Variants in ATR observed in about 807,000 individuals in gnomAD.
The protein encoded by ATR is ATR checkpoint kinase.
A neutral mutation model predicts 305.3 loss-of-function variants in ATR; 142 were observed. The observed-to-expected ratio is 0.47, with a 90% confidence interval of 0.41 to 0.53. The LOEUF (loss-of-function observed/expected upper bound fraction) is 0.53, where lower values mean the gene tolerates loss of function less well. Among genes scored for constraint, ATR ranks in the 20% least tolerant of loss-of-function variants. The pLI, the probability that ATR is intolerant of heterozygous loss-of-function variation, is 0.00. For missense variants in ATR, 2,135 were observed against 3,133.1 expected, an observed-to-expected ratio of 0.68 and a Z score of 7.60; for synonymous variants, 1,050 against 1,068.1, an observed-to-expected ratio of 0.98 and a Z score of 0.33.
At chr3:142,557,747 C>G (rs1292886074) in intron 8 of ATR, among the ~76,000 whole-genome samples, 1 of 152,198 alleles carries the variant, frequency 6.6e-6, no homozygotes, top group East Asian at 1.9e-4. Flanking sequence ...ATTCTTGTAT[C>G]TCAGCCTCCC....
At chr3:142,487,071 G>A (rs1438324444) in intron 35 of ATR, among the ~76,000 whole-genome samples, 1 of 151,830 alleles carries the variant, frequency 6.6e-6, no homozygotes, top group African/African-American at 2.4e-5. Flanking sequence ...GGCGGAGCTT[G>A]CAATGAGCCA....
chr3:142,549,778 A>G, intron 14 of ATR, 105 bp from the exon 15 acceptor site: 2 of 1,004,842 alleles, frequency 2.0e-6, no homozygotes, highest in Non-Finnish European at 3.0e-6. Context: ...ACATATTTGG[A>G]GTCCACTCCA....
Position 142,466,459 on chromosome 3 carries a change from T to C in ATR, c.6762A>G (p.Thr2254=). 1 of 1,613,972 alleles carries C rather than the reference T, an allele frequency of 6.2e-7. No individual in the cohort carries two copies. The highest frequency in any genetic ancestry group is 8.5e-7 in the Non-Finnish European group (1 of 1,179,898). The change falls in exon 40 of 47, where the codon ACA becomes ACG. Residue 2254 remains threonine, a synonymous_variant. Transcript: ENST00000350721. ...GTAGAGGAATGAGGATTTCACTAAATGTTGCTTCTTCTACCAGCTTTTTAA... is the reference window on the plus strand; with the variant it reads ...GTAGAGGAATGAGGATTTCACTAAACGTTGCTTCTTCTACCAGCTTTTTAA... ...KMLKKLVEEA[T]FSEILIPLQS...
At position 142,535,074 on chromosome 3, in the gene ATR, G is replaced by C. The variant is rs1577652413; in HGVS notation, c.3945+6C>G. 1 of 1,608,918 alleles carries C rather than the reference G, an allele frequency of 6.2e-7. No homozygotes were observed. Among genetic ancestry groups the C allele is most frequent in the Non-Finnish European group, 8.5e-7 (1 of 1,176,282 alleles). On this transcript the variant is annotated splice_donor_region_variant and intron_variant, in intron 21 of 46. Transcript: ENST00000350721. ...ATACATTTTTAATTATATCATATTAGCATACCTGATTTTTATACAAGGTTT... is the reference window on the plus strand; with the variant it reads ...ATACATTTTTAATTATATCATATTACCATACCTGATTTTTATACAAGGTTT...
Position 142,451,474 on chromosome 3 carries a change from C to T in ATR, c.7761+1654G>A, listed in dbSNP as rs1002784134. On this transcript the variant is annotated intron_variant, in intron 46 of 46. Transcript: ENST00000350721. The stretch of plus-strand genomic sequence containing the variant: ...ATAGGAGACTTTGGTCTGGCTTGCC[C>T]AGACATCTTACAAAAGAACACAGAC... 9.4e-6 allele frequency: 14 copies of T among 1,486,064 alleles called. No homozygotes were observed. In the African/African-American group the frequency reaches 9.9e-5, roughly 10 times the overall value. 92.1% of individuals were successfully genotyped at this position (1,486,064 alleles called of 1,614,324 possible).
At chr3:142,469,760 C>T (rs1460090514) in intron 37 of ATR, among the ~76,000 whole-genome samples, 191 bp from the exon 38 acceptor site, 8 of 151,978 alleles carry the variant, frequency 5.3e-5, no homozygotes, top group Non-Finnish European at 1.5e-5. Flanking sequence ...TATTTAGAGC[C>T]ATTCAAAAAC....
chr3:142,469,926 CT>C (rs2071221610), intron 37 of ATR, among the ~76,000 whole-genome samples, 159 bp downstream of exon 37: 1 of 152,096 alleles, frequency 6.6e-6, no homozygotes, highest in South Asian at 2.1e-4. Flanking sequence ...TATGATTTGT[CT>C]TTCCTTTTTA....
Position 142,472,724 on chromosome 3 carries a change from A to G in ATR, c.6222-2541T>C, listed in dbSNP as rs908343017. Among the ~76,000 whole-genome samples, 8 of 151,650 alleles carry G rather than the reference A, an allele frequency of 5.3e-5. No individual in the cohort carries two copies. The South Asian group carries it at 1.3e-3, about 24-fold the overall frequency. ...ATGATCCTGGCTCACTGCAACCTCCACCTCCTAGGCTAAAGTGATGCCCCT... is the reference window on the plus strand; with the variant it reads ...ATGATCCTGGCTCACTGCAACCTCCGCCTCCTAGGCTAAAGTGATGCCCCT... On this transcript the variant is annotated intron_variant, in intron 36 of 46. Transcript: ENST00000350721.
intron 46 of ATR, chr3:142,451,634 C>T: frequency 8.0e-7 from 1 of 1,247,706 alleles, no homozygotes; most frequent in South Asian, 1.5e-5. Flanking sequence ...GGCTGGAGTG[C>T]AGTGGTGTCA....
At chr3:142,485,393 A>G (rs2030850583) in intron 35 of ATR, 111 bp from the exon 36 acceptor site, 1 of 1,317,528 alleles carries the variant, frequency 7.6e-7, no homozygotes, top group Admixed American at 2.3e-5. Flanking sequence ...ATCTAGGCAG[A>G]GCAAAGTCAA....
intron 23 of ATR, among the ~76,000 whole-genome samples, chr3:142,521,727 A>G (rs1559961387): frequency 1.3e-5 from 2 of 152,188 alleles, no homozygotes; most frequent in Non-Finnish European, 2.9e-5. Context: ...GTGGAGCCTG[A>G]AGATAGGACT....
rs34253059 is a variant in ATR at position 142,547,823 on chromosome 3, A to G, written c.3259T>C (p.Tyr1087His). ...GACAAACCATTAAAAACCTGTTGAT[A>G]GTGTTCTCCAATACGCAGCAATAAT... ...NELLLRIGEH[Y>H]QQVFNGLSIL... Residue 1087 changes from tyrosine to histidine, a missense_variant, in exon 16 of 47, where the codon TAT becomes CAT. Around this residue, in one of 9 missense-constraint regions of ATR, gnomAD observed 530 missense variants for 766.8 expected, o/e 0.69. Coordinates refer to ENST00000350721, the MANE Select transcript of ATR (RefSeq NM_001184.4). 9 of 1,613,870 alleles carry G rather than the reference A, an allele frequency of 5.6e-6. No individual in the cohort carries two copies. The African/African-American group carries it at 6.7e-5, about 12-fold the overall frequency.
intron 36 of ATR, among the ~76,000 whole-genome samples, chr3:142,472,942 G>A (rs923998061): frequency 2.6e-5 from 4 of 151,990 alleles, no homozygotes; most frequent in Non-Finnish European, 4.4e-5. Flanking sequence ...GCCTGGCCAG[G>A]TGATTTGCTT....
At chr3:142,512,702 A>C (rs1577604619) in intron 26 of ATR, among the ~76,000 whole-genome samples, 1 of 152,108 alleles carries the variant, frequency 6.6e-6, no homozygotes, top group Non-Finnish European at 1.5e-5. Context: ...AAAATACAAA[A>C]AAATTAGCCA....
rs1659970499 is a variant in ATR, at chr3:142,496,330, A to ATC, written c.5898+30_5898+31insGA. The ATC allele has an allele frequency of 4.1e-5, 21 of 511,422 alleles. 1 individual carries two copies. The African/African-American group carries it at 5.3e-4, about 13-fold the overall frequency. 31.7% of individuals were successfully genotyped at this position (511,422 alleles called of 1,614,324 possible). A position where few individuals can be genotyped will look rare whatever the true frequency, so the allele number is the denominator to read the frequency against. On this transcript the variant is annotated intron_variant, in intron 34 of 46. Transcript: ENST00000350721. ...TATATATATATATATATATATATATATATATATGATGACATTTCCCTGGCC... is the reference window on the plus strand; with the variant it reads ...TATATATATATATATATATATATATATCTATATATGATGACATTTCCCTGGCC...
chr3:142,488,064 C>T (rs1049770469), intron 35 of ATR, among the ~76,000 whole-genome samples: 1 of 152,162 alleles, frequency 6.6e-6, no homozygotes, highest in African/African-American at 2.4e-5. Flanking sequence ...CCTCTGGCTT[C>T]CTGTGAAGTT....
At position 142,562,848 on chromosome 3, in the gene ATR, T is replaced by G. The variant is rs756783888; in HGVS notation, c.554A>C (p.His185Pro). The G allele has an allele frequency of 1.2e-6, 2 of 1,609,410 alleles. No homozygotes were observed. The highest frequency in any genetic ancestry group is 1.7e-6 in the Non-Finnish European group (2 of 1,178,472). Reference protein sequence around the residue: ...MSRFLSQLDEHMGYLQSAPLQ... With the variant: ...MSRFLSQLDEPMGYLQSAPLQ... The stretch of plus-strand genomic sequence containing the variant: ...AGGAGCTGATTGTAAATATCCCATG[T>G]GTTCATCTAATTGACTTAAAAATCG... Residue 185 changes from histidine (H) to proline (P), a missense_variant, in exon 4 of 47, where the codon CAC becomes CCC. Transcript: ENST00000350721.
Position 142,466,404 on chromosome 3 carries a change from T to C in ATR, c.6817A>G (p.Ile2273Val), listed in dbSNP as rs374965906. 83 of 1,613,890 alleles carry C rather than the reference T, an allele frequency of 5.1e-5. No individual in the cohort carries two copies. The highest frequency in any genetic ancestry group is 4.4e-5 in the Non-Finnish European group (52 of 1,179,920). ...QSVMIPTLPS[I>V]LGTHANHASH... ...GCATGGTTAGCATGGGTACCCAGAA[T>C]TGATGGAAGTGTAGGTATCATGACT... The change falls in exon 40 of 47, where the codon ATT becomes GTT. Residue 2273 changes from isoleucine to valine, a missense_variant. This residue lies in a region of ATR where 462 missense variants were observed against 887.6 expected (regional missense o/e 0.52). Coordinates refer to ENST00000350721, the MANE Select transcript of ATR (RefSeq NM_001184.4).
rs948227828 is a variant in ATR at position 142,566,995 on chromosome 3, C to T, written c.152-734G>A. Among the ~76,000 whole-genome samples, 7 of 152,114 alleles carry T rather than the reference C, an allele frequency of 4.6e-5. 1 individual carries two copies. Among genetic ancestry groups the T allele is most frequent in the East Asian group, 1.9e-4 (1 of 5,186 alleles). On this transcript the variant is annotated intron_variant, in intron 2 of 46. Transcript: ENST00000350721. ...CTGACCTCAGGTGATCCACCCACCTCGGCCTCCCAAAGTGTTGGGATTACA... is the reference window on the plus strand; with the variant it reads ...CTGACCTCAGGTGATCCACCCACCTTGGCCTCCCAAAGTGTTGGGATTACA...
Sources: allele counts gnomAD v4.1 joint callset (sites outside exome capture counted in the v4.1 genomes callset), GRCh38; gene constraint gnomAD v4.1.1; regional missense constraint gnomAD v4.1.1; transcripts MANE v1.5; gene names NCBI Gene and HGNC (gene_info 2026-07-23, HGNC 2026-07-21).